SULT1C2: variants seen among roughly 807,000 people sequenced by gnomAD.
SULT1C2 encodes sulfotransferase family 1C member 2.
A neutral mutation model predicts 36.0 loss-of-function variants in SULT1C2; 27 were observed. The ratio of observed to expected loss-of-function variants is 0.75; its 90% CI spans 0.55 to 1.03. The LOEUF is 1.03. Among genes scored for constraint, SULT1C2 ranks in the 50% least tolerant of loss-of-function variants. The pLI is 0.00. For missense variants in SULT1C2, 395 were observed against 359.2 expected (o/e 1.10, Z -0.80); for synonymous variants, 121 against 116.0 (o/e 1.04, Z -0.27).
At chr2:108,302,919 G>C (rs556293243) in intron 4 of SULT1C2, 1 of 152,312 alleles carries the variant, frequency 6.6e-6, no homozygotes, top group Admixed American at 6.5e-5. Flanking sequence ...GGTTTGAGGA[G>C]AGAGGAGAGA....
At chr2:108,291,789 G>A (rs76077963) in intron 1 of SULT1C2, among the ~76,000 whole-genome samples, 2,410 of 152,168 alleles carry the variant, frequency 0.016, 66 homozygotes, top group African/African-American at 0.055. Context: ...AAAAGTCCAC[G>A]AAGGACCTAA....
chr2:108,308,223 C>A, intron 7 of SULT1C2, 129 bp from the exon 8 acceptor site: 1 of 758,694 alleles, frequency 1.3e-6, no homozygotes, highest in Non-Finnish European at 2.2e-6. Flanking sequence ...CAGGTGTCCA[C>A]TGAAGGGGGA....
At chr2:108,295,805 T>C (rs971692120) in intron 3 of SULT1C2, among the ~76,000 whole-genome samples, 3 of 152,188 alleles carry the variant, frequency 2.0e-5, no homozygotes, top group Non-Finnish European at 2.9e-5. Flanking sequence ...CATTTTTTGT[T>C]TATTTAAAGA....
chr2:108,294,982 T>C (rs1676687370), intron 3 of SULT1C2, among the ~76,000 whole-genome samples: 2 of 152,240 alleles, frequency 1.3e-5, no homozygotes, highest in South Asian at 4.1e-4. Context: ...GAGGAAGGCC[T>C]ACTTCCCTAA....
At chr2:108,289,820 C>A (rs1676546881) in intron 1 of SULT1C2, among the ~76,000 whole-genome samples, 1 of 152,168 alleles carries the variant, frequency 6.6e-6, no homozygotes, top group Non-Finnish European at 1.5e-5. Flanking sequence ...ACTGCACTAC[C>A]CAGCTGCCTC....
At chr2:108,294,420 T>C in intron 3 of SULT1C2, 66 bp downstream of exon 3, 1 of 1,552,182 alleles carries the variant, frequency 6.4e-7, no homozygotes, top group Non-Finnish European at 8.8e-7. Context: ...TTCCCCTGTC[T>C]TTTCTCACTT....
At chr2:108,306,956 C>G (rs1328272392) in intron 7 of SULT1C2, among the ~76,000 whole-genome samples, 1 of 152,038 alleles carries the variant, frequency 6.6e-6, no homozygotes, top group Non-Finnish European at 1.5e-5. Context: ...TTAAAAGTCT[C>G]TCCACAAAAA....
chr2:108,293,559 C>T (rs1676648456), intron 1 of SULT1C2, 88 bp from the exon 2 acceptor site: 1 of 1,293,760 alleles, frequency 7.7e-7, no homozygotes, highest in South Asian at 1.6e-5. Flanking sequence ...CTGAACTGTA[C>T]ACCTAACGAT....
chr2:108,304,386 T>C (rs1676966482), intron 4 of SULT1C2, 188 bp from the exon 5 acceptor site: 1 of 522,634 alleles, frequency 1.9e-6, no homozygotes, highest in Non-Finnish European at 3.3e-6. Context: ...GAGTTTGAAG[T>C]AGAGAGCAGA....
intron 3 of SULT1C2, 126 bp downstream of exon 3, chr2:108,294,480 T>TCTCCCTCCCTCTCTCCTTCCTCTTCTCG: frequency 1.0e-6 from 1 of 960,318 alleles, no homozygotes; most frequent in Non-Finnish European, 1.5e-6. Flanking sequence ...TCCTCTTCTC[T>TCTCCCTCCCTCTCTCCTTCCTCTTCTCG]TTCTCTCTCA....
At chr2:108,294,200 G>C in intron 2 of SULT1C2, 29 bp from the exon 3 acceptor site, 1 of 1,611,876 alleles carries the variant, frequency 6.2e-7, no homozygotes. Flanking sequence ...ACAGATTTCT[G>C]CTTCTCATCC....
chr2:108,304,784 G>C, intron 5 of SULT1C2, 84 bp downstream of exon 5: 3 of 1,521,294 alleles, frequency 2.0e-6, no homozygotes, highest in Non-Finnish European at 2.6e-6. Flanking sequence ...TTATCCCCTA[G>C]AATGCCTGTA....
chr2:108,305,698 C>A, intron 7 of SULT1C2, 103 bp downstream of exon 7: 1 of 1,378,276 alleles, frequency 7.3e-7, no homozygotes, highest in Non-Finnish European at 1.0e-6. Flanking sequence ...CAATGCATTT[C>A]AACTATTCCT....
At chr2:108,294,378 T>G in intron 3 of SULT1C2, 24 bp downstream of exon 3, 1 of 1,600,418 alleles carries the variant, frequency 6.2e-7, no homozygotes, top group Non-Finnish European at 8.5e-7. Flanking sequence ...CCTCTTTCTC[T>G]CTTCCTGCTT....
At chr2:108,298,531 C>G (rs1416633530) in intron 3 of SULT1C2, 1 of 259,396 alleles carries the variant, frequency 3.9e-6, no homozygotes. Context: ...GTGCGTATCA[C>G]CATGCCCAGC....
intron 3 of SULT1C2, chr2:108,300,428 A>G (rs1408785094): frequency 8.8e-6 from 2 of 228,474 alleles, no homozygotes; most frequent in African/African-American, 2.3e-5. Flanking sequence ...GCAAGTATAC[A>G]TGTTTTTAGA....
chr2:108,291,794 A>T (rs994149010), intron 1 of SULT1C2, among the ~76,000 whole-genome samples: 2 of 152,188 alleles, frequency 1.3e-5, no homozygotes, highest in African/African-American at 4.8e-5. Context: ...TCCACGAAGG[A>T]CCTAACATAG....
At chr2:108,302,495 C>T (rs922746193) in intron 4 of SULT1C2, 4 of 152,244 alleles carry the variant, frequency 2.6e-5, no homozygotes, top group African/African-American at 9.7e-5. Flanking sequence ...GTCCCCACAG[C>T]CAGTGTTCCC....
At chr2:108,304,498 T>G in intron 4 of SULT1C2, 76 bp from the exon 5 acceptor site, 1 of 1,501,736 alleles carries the variant, frequency 6.7e-7, no homozygotes, top group Non-Finnish European at 8.9e-7. Flanking sequence ...ACCCTCAGGA[T>G]GGCTCTGCCT....
Sources: allele counts gnomAD v4.1 joint callset (sites outside exome capture counted in the v4.1 genomes callset), GRCh38; gene constraint gnomAD v4.1.1; transcripts MANE v1.5; gene names NCBI Gene and HGNC (gene_info 2026-07-23, HGNC 2026-07-21).